The following TSHZ3 variants were observed in gnomAD, a reference collection of about 807,000 sequenced individuals.
The protein encoded by TSHZ3 is teashirt homolog 3.
Under a neutral mutation model 64.5 loss-of-function variants are expected in TSHZ3, and 10 were observed. The observed-to-expected ratio is 0.16, with a 90% confidence interval of 0.10 to 0.26. The LOEUF is 0.26. TSHZ3 is among the 10% of genes least tolerant of loss of function. The pLI, the probability that TSHZ3 is intolerant of heterozygous loss-of-function variation, is 1.00. For missense variants in TSHZ3, 1,242 were observed against 1,421.7 expected, an observed-to-expected ratio of 0.87 and a Z score of 2.03; for synonymous variants, 608 against 593.1, an observed-to-expected ratio of 1.03 and a Z score of -0.36.
intron 1 of TSHZ3, among the ~76,000 whole-genome samples, chr19:31,282,056 T>A (rs1448539899): frequency 1.3e-5 from 2 of 152,078 alleles, no homozygotes; most frequent in African/African-American, 4.8e-5. Flanking sequence ...CTTATAATCC[T>A]CTCGGGGAAC....
chr19:31,212,974 T>C (rs1486557149), intron 4 of TSHZ3, among the ~76,000 whole-genome samples: 1 of 151,952 alleles, frequency 6.6e-6, no homozygotes, highest in Non-Finnish European at 1.5e-5. Context: ...CAAAAGCCTA[T>C]AATAAAGTGA....
intron 1 of TSHZ3, among the ~76,000 whole-genome samples, chr19:31,256,737 G>C (rs1975915977): frequency 6.6e-6 from 1 of 152,186 alleles, no homozygotes; most frequent in African/African-American, 2.4e-5. Context: ...CCCTGCACAG[G>C]GTCACTGCCC....
intron 1 of TSHZ3, among the ~76,000 whole-genome samples, chr19:31,250,994 A>T (rs1469188456): frequency 6.6e-6 from 1 of 151,808 alleles, no homozygotes; most frequent in African/African-American, 2.4e-5. Context: ...CACCCCACCC[A>T]CCTTTCCACT....
intron 1 of TSHZ3, among the ~76,000 whole-genome samples, chr19:31,300,218 C>T (rs756363799): frequency 6.6e-6 from 1 of 152,102 alleles, no homozygotes; most frequent in Non-Finnish European, 1.5e-5. Flanking sequence ...AAATGTTCTA[C>T]GAGACTACTC....
chr19:31,324,937 G>A (rs571740765), intron 1 of TSHZ3, among the ~76,000 whole-genome samples: 4 of 152,174 alleles, frequency 2.6e-5, no homozygotes, highest in East Asian at 1.9e-4. Context: ...GTCTCAATAC[G>A]TTTTACTACA....
At chr19:31,326,723 T>C (rs73927347) in intron 1 of TSHZ3, among the ~76,000 whole-genome samples, 1,569 of 152,356 alleles carry the variant, frequency 0.01, 28 homozygotes, top group African/African-American at 0.035. Context: ...TTGTTGCTGT[T>C]AGGGAGAACG....
At chr19:31,291,060 A>C (rs575991208) in intron 1 of TSHZ3, among the ~76,000 whole-genome samples, 15 of 152,376 alleles carry the variant, frequency 9.8e-5, no homozygotes, top group African/African-American at 2.9e-4. Flanking sequence ...GTGAATAAGG[A>C]AACACCATGC....
intron 1 of TSHZ3, among the ~76,000 whole-genome samples, chr19:31,261,636 T>A (rs1975983600): frequency 6.6e-6 from 1 of 152,210 alleles, no homozygotes; most frequent in Admixed American, 6.5e-5. Flanking sequence ...GTGCGACTAC[T>A]TTCACTCTGA....
At chr19:31,247,490 C>T (rs181547002) in intron 1 of TSHZ3, among the ~76,000 whole-genome samples, 7 of 152,268 alleles carry the variant, frequency 4.6e-5, no homozygotes, top group Non-Finnish European at 8.8e-5. Context: ...GGACGATCCA[C>T]ACAGTAGCCA....
At chr19:31,221,361 A>C (rs1975393154) in intron 4 of TSHZ3, among the ~76,000 whole-genome samples, 1 of 152,196 alleles carries the variant, frequency 6.6e-6, no homozygotes, top group African/African-American at 2.4e-5. Flanking sequence ...CAGGAGTGTC[A>C]AGGAATAGGT....
chr19:31,166,525 G>C (rs1203057412), intron 5 of TSHZ3, among the ~76,000 whole-genome samples: 2 of 152,184 alleles, frequency 1.3e-5, no homozygotes, highest in Non-Finnish European at 2.9e-5. Context: ...AGAGGATGGA[G>C]AGATGCCTTC....
chr19:31,292,720 A>C (rs1976588363), intron 1 of TSHZ3, among the ~76,000 whole-genome samples: 1 of 118,878 alleles, frequency 8.4e-6, no homozygotes, highest in Non-Finnish European at 1.6e-5. Flanking sequence ...TCCATCCAAA[A>C]CCCATCCACC....
At chr19:31,322,981 C>A (rs1348400106) in intron 1 of TSHZ3, among the ~76,000 whole-genome samples, 2 of 152,016 alleles carry the variant, frequency 1.3e-5, no homozygotes, top group African/African-American at 4.8e-5. Context: ...AAATAAAAAC[C>A]CTTACATTTT....
chr19:31,325,283 G>T (rs1211897111), intron 1 of TSHZ3, among the ~76,000 whole-genome samples: 2 of 152,290 alleles, frequency 1.3e-5, no homozygotes, highest in Admixed American at 6.5e-5. Flanking sequence ...TGTGAACTTA[G>T]GCTGGTCTCA....
chr19:31,280,784 G>C (rs1003144178), intron 1 of TSHZ3, among the ~76,000 whole-genome samples: 3 of 152,224 alleles, frequency 2.0e-5, no homozygotes, highest in Admixed American at 6.5e-5. Context: ...CGCGCCTGCA[G>C]GTTCTGGAAG....
At chr19:31,249,308 C>T (rs948974602) in intron 1 of TSHZ3, among the ~76,000 whole-genome samples, 15 of 152,220 alleles carry the variant, frequency 9.9e-5, no homozygotes, top group East Asian at 1.9e-4. Flanking sequence ...GCCCACCCAA[C>T]GCTTGAAACG....
At chr19:31,306,925 G>A (rs561508791) in intron 1 of TSHZ3, among the ~76,000 whole-genome samples, 14 of 152,004 alleles carry the variant, frequency 9.2e-5, no homozygotes, top group South Asian at 2.1e-4. Context: ...CCACCTGTGC[G>A]TCCCCTGGGA....
rs770604936 is a variant in TSHZ3 at position 31,279,166 on chromosome 19, C to T, written c.627G>A (p.Thr209=). Residue 209 remains threonine (T), a synonymous_variant, in exon 2 of 2, where the codon ACG becomes ACA. Coordinates refer to ENST00000240587, the MANE Select transcript of TSHZ3 (RefSeq NM_020856.4). The surrounding 1 kb of genome is among the most constrained non-coding windows in gnomAD (Gnocchi z 6.4). ...CCTTACAGCGGAACTTGCTGGCCCC[C>T]GTGAAGATGGAGCCATAGAGCTTGC... ...QSSKLYGSIF[T]GASKFRCKDC... 1.9e-5 allele frequency: 30 copies of T among 1,612,844 alleles called. No individual in the cohort carries two copies. Among genetic ancestry groups the T allele is most frequent in the Admixed American group, 8.3e-5 (5 of 59,978 alleles).
At chr19:31,205,744 C>T in intron 4 of TSHZ3, among the ~76,000 whole-genome samples, 1 of 152,370 alleles carries the variant, frequency 6.6e-6, no homozygotes, top group East Asian at 1.9e-4. Flanking sequence ...TTCCCCACCT[C>T]TCAGCTCCTT....
Sources: allele counts gnomAD v4.1 joint callset (sites outside exome capture counted in the v4.1 genomes callset), GRCh38; gene constraint gnomAD v4.1.1; non-coding constraint Gnocchi (gnomAD v3.1); transcripts MANE v1.5; gene names NCBI Gene and HGNC (gene_info 2026-07-23, HGNC 2026-07-21).